The following NCAM1 variants were observed in gnomAD, a reference collection of about 807,000 sequenced individuals.
NCAM1 encodes the protein neural cell adhesion molecule 1.
NCAM1 carries 14 observed loss-of-function variants against 109.8 expected under a neutral mutation model. The observed-to-expected ratio is 0.13, with a 90% CI of 0.08 to 0.20. The LOEUF is 0.20. NCAM1 is among the 10% of genes least tolerant of loss of function. The pLI is 1.00. For synonymous variants in NCAM1, 418 were observed against 442.9 expected (o/e 0.94, Z 0.70); for missense variants, 774 against 1,109.9 (o/e 0.70, Z 4.30).
intron 17 of NCAM1, chr11:113,264,608 T>C (rs625741): frequency 0.14 from 136,738 of 985,320 alleles, 10,317 homozygotes; most frequent in African/African-American, 0.28. Flanking sequence ...CACGGCTTCA[T>C]CCTAGGAGGG....
intron 1 of NCAM1, among the ~76,000 whole-genome samples, chr11:113,103,631 T>C (rs1165567250): frequency 6.6e-6 from 1 of 152,176 alleles, no homozygotes; most frequent in African/African-American, 2.4e-5. Flanking sequence ...CTCTCTTTCT[T>C]TGAGATCCAT....
chr11:113,147,289 T>C (rs992427887), intron 1 of NCAM1, among the ~76,000 whole-genome samples: 9 of 152,270 alleles, frequency 5.9e-5, no homozygotes, highest in Admixed American at 2.6e-4. Context: ...CGATAGATTT[T>C]TAAATGAATT....
intron 1 of NCAM1, among the ~76,000 whole-genome samples, chr11:113,066,465 CA>C (rs1328611319): frequency 6.6e-6 from 1 of 152,004 alleles, no homozygotes; most frequent in Non-Finnish European, 1.5e-5. Context: ...GTAAAAAGGC[CA>C]AGTGTTTTCC....
Position 112,962,661 on chromosome 11 carries a change from C to T in NCAM1, c.52+997C>T, listed in dbSNP as rs1322657514. The stretch of plus-strand genomic sequence containing the variant: ...GGGGTTGCGCCGCCGCCCAGAGAAC[C>T]TCGGCAGTGTGCAGGGAGGTGCATT... On this transcript the variant is annotated intron_variant, in intron 1 of 19. Transcript: ENST00000316851. This position sits in a 1 kb window ranked among gnomAD's most constrained non-coding sequence, Gnocchi z 5.6. Among the ~76,000 whole-genome samples the T allele has an allele frequency of 6.6e-6, 1 of 152,104 alleles. No homozygotes were observed. Among genetic ancestry groups the T allele is most frequent in the Non-Finnish European group, 1.5e-5 (1 of 68,016 alleles).
chr11:113,079,360 G>A (rs1555086739), intron 1 of NCAM1, among the ~76,000 whole-genome samples: 1 of 152,182 alleles, frequency 6.6e-6, no homozygotes, highest in African/African-American at 2.4e-5. Flanking sequence ...CGGGGATCCA[G>A]CTCCAGAGCT....
intron 7 of NCAM1, among the ~76,000 whole-genome samples, chr11:113,208,274 A>G (rs1419715658): frequency 3.3e-5 from 5 of 152,036 alleles, no homozygotes; most frequent in African/African-American, 1.2e-4. Context: ...CCTAAGTACC[A>G]CTCATCTGTT....
At chr11:113,249,084 G>A (rs879984176) in intron 15 of NCAM1, among the ~76,000 whole-genome samples, 7 of 152,104 alleles carry the variant, frequency 4.6e-5, no homozygotes, top group Admixed American at 2.6e-4. Flanking sequence ...TGAGCATGGC[G>A]CCCTCCCCAG....
At chr11:113,119,338 T>A (rs1476014579) in intron 1 of NCAM1, among the ~76,000 whole-genome samples, 1 of 152,146 alleles carries the variant, frequency 6.6e-6, no homozygotes, top group African/African-American at 2.4e-5. Context: ...ATGGAGCAGA[T>A]GAAATAAAGC....
At chr11:113,161,717 G>T (rs1280605690) in intron 1 of NCAM1, among the ~76,000 whole-genome samples, 3 of 152,156 alleles carry the variant, frequency 2.0e-5, no homozygotes, top group Non-Finnish European at 4.4e-5. Context: ...AGAAACTCTT[G>T]TTGATTTGGC....
chr11:113,067,899 A>G (rs1421146712), intron 1 of NCAM1, among the ~76,000 whole-genome samples: 2 of 151,170 alleles, frequency 1.3e-5, no homozygotes, highest in Admixed American at 6.6e-5. Context: ...TGGCATTCAT[A>G]TAACAAGTTT....
intron 1 of NCAM1, among the ~76,000 whole-genome samples, chr11:113,187,553 G>GTT (rs1565486991): frequency 3.9e-5 from 5 of 128,100 alleles, no homozygotes; most frequent in Non-Finnish European, 6.6e-5. Context: ...GTGTGTGTGT[G>GTT]TGTGTGTTTC....
intron 1 of NCAM1, among the ~76,000 whole-genome samples, chr11:113,019,921 T>C (rs1411781654): frequency 1.3e-5 from 2 of 152,250 alleles, no homozygotes; most frequent in African/African-American, 2.4e-5. Context: ...TGTGGTAGTC[T>C]TTGTTAATGA....
intron 1 of NCAM1, among the ~76,000 whole-genome samples, chr11:112,979,547 C>T (rs555589433): frequency 3.3e-5 from 5 of 151,868 alleles, no homozygotes; most frequent in African/African-American, 4.8e-5. Flanking sequence ...AGGTTACTTC[C>T]GGTGACTCTT....
intron 16 of NCAM1, among the ~76,000 whole-genome samples, chr11:113,256,239 C>A (rs891716969): frequency 1.3e-5 from 2 of 152,210 alleles, no homozygotes; most frequent in Admixed American, 6.5e-5. Flanking sequence ...TGGTGACAAA[C>A]CCATACCATG....
At chr11:113,129,908 G>T in intron 1 of NCAM1, among the ~76,000 whole-genome samples, 1 of 152,210 alleles carries the variant, frequency 6.6e-6, no homozygotes, top group East Asian at 1.9e-4. Context: ...TTCAGGTTTT[G>T]CTGTGTTAGA....
In NCAM1 at chr11:113,096,761, G is replaced by A. The variant is rs11825638; in HGVS notation, c.53-105618G>A. ...CTGGGGTTCAGAGCCCTCATCCCAC[G>A]ACTACATCTTACTTTTCATTCTCCT... On this transcript the variant is annotated intron_variant, in intron 1 of 19. Coordinates refer to ENST00000316851, the MANE Select transcript of NCAM1 (RefSeq NM_181351.5). Among the ~76,000 whole-genome samples the A allele has an allele frequency of 9.7e-3, 1,475 of 152,038 alleles. 23 individuals are homozygous for A. Among genetic ancestry groups the A allele is most frequent in the African/African-American group, 0.034 (1,392 of 41,490 alleles).
At chr11:113,089,533 G>T (rs1555088981) in intron 1 of NCAM1, among the ~76,000 whole-genome samples, 1 of 152,010 alleles carries the variant, frequency 6.6e-6, no homozygotes, top group East Asian at 1.9e-4. Flanking sequence ...TGGGCTCAAG[G>T]GATCCACCCA....
intron 15 of NCAM1, among the ~76,000 whole-genome samples, chr11:113,250,064 C>T (rs376026844): frequency 9.4e-4 from 143 of 152,294 alleles, no homozygotes; most frequent in African/African-American, 3.3e-3. Flanking sequence ...AGATTCTGGT[C>T]ACTCAGGCAC....
At chr11:113,253,550 C>T (rs1555121769) in intron 15 of NCAM1, among the ~76,000 whole-genome samples, 1 of 152,144 alleles carries the variant, frequency 6.6e-6, no homozygotes, top group Non-Finnish European at 1.5e-5. Flanking sequence ...GCAACAGACC[C>T]CCCATGATGC....
Sources: gnomAD v4.1 joint callset for allele counts (sites outside exome capture counted in the v4.1 genomes callset) on GRCh38, gnomAD v4.1.1 for gene constraint, Gnocchi (gnomAD v3.1) non-coding constraint, MANE v1.5 for transcripts, NCBI Gene and HGNC (gene_info 2026-07-23, HGNC 2026-07-21) for gene names.